The following SCFD2 variants were observed in gnomAD, a reference collection of about 807,000 sequenced individuals.
SCFD2 encodes sec1 family domain-containing protein 2.
Under a neutral mutation model 58.9 loss-of-function variants are expected in SCFD2, and 54 were observed. The ratio of observed to expected loss-of-function variants is 0.92; its 90% confidence interval spans 0.74 to 1.15. The LOEUF (loss-of-function observed/expected upper bound fraction) is 1.15, where lower values mean the gene tolerates loss of function less well. SCFD2 is among the 50% of genes most tolerant of loss of function. The pLI, the probability that SCFD2 is intolerant of heterozygous loss-of-function variation, is 0.00. For missense variants in SCFD2, 805 were observed against 836.6 expected, an observed-to-expected ratio of 0.96 and a Z score of 0.47; for synonymous variants, 321 against 335.9, an observed-to-expected ratio of 0.96 and a Z score of 0.49.
intron 5 of SCFD2, among the ~76,000 whole-genome samples, chr4:53,089,319 T>C (rs2148865033): frequency 6.6e-6 from 1 of 152,332 alleles, no homozygotes; most frequent in East Asian, 1.9e-4. Context: ...CAAATATTTT[T>C]CCAGCTCTTT....
In SCFD2 at chr4:52,920,793, T is replaced by C. The variant is rs1719716270; in HGVS notation, c.1639A>G (p.Ile547Val). ...TTCAGGAGACTCCGAGCTCCAGCAA[T>C]ATCCCGAAGTGAAGTAAAGAGTTCA... ...VDELFTSLRD[I>V]AGARSLLKQF... The change falls in exon 6 of 9, where the codon ATT (isoleucine) becomes GTT (valine). Residue 547 changes from isoleucine (I) to valine (V), a missense_variant. Around this residue, in one of 3 missense-constraint regions of SCFD2, gnomAD observed 633 missense variants for 646.8 expected, o/e 0.98. Transcript: ENST00000401642. 1.2e-6 allele frequency: 2 copies of C among 1,611,086 alleles called. No individual in the cohort carries two copies. Among genetic ancestry groups the C allele is most frequent in the Middle Eastern group, 1.6e-4 (1 of 6,076 alleles).
At chr4:52,920,578 CA>C in intron 6 of SCFD2, 146 bp downstream of exon 6, 1 of 490,846 alleles carries the variant, frequency 2.0e-6, no homozygotes, top group Non-Finnish European at 3.5e-6. Flanking sequence ...CCGTGGGACC[CA>C]AAACTCTGAA....
chr4:53,139,538 T>G (rs1726057948), intron 5 of SCFD2, among the ~76,000 whole-genome samples: 1 of 149,692 alleles, frequency 6.7e-6, no homozygotes, highest in African/African-American at 2.4e-5. Flanking sequence ...AGCTGCCCCG[T>G]CTGGGAAGTG....
At chr4:53,010,551 C>G (rs899156753) in intron 5 of SCFD2, among the ~76,000 whole-genome samples, 5 of 152,184 alleles carry the variant, frequency 3.3e-5, no homozygotes, top group Non-Finnish European at 7.3e-5. Context: ...AAATCCCTGT[C>G]CTTGTGGGCA....
intron 6 of SCFD2, among the ~76,000 whole-genome samples, chr4:52,916,855 T>C (rs902597282): frequency 1.3e-5 from 2 of 152,156 alleles, no homozygotes; most frequent in Non-Finnish European, 1.5e-5. Context: ...TGACAGCAAA[T>C]GCTTACATAG....
chr4:53,086,494 C>T (rs528875876), intron 5 of SCFD2, among the ~76,000 whole-genome samples: 38 of 152,250 alleles, frequency 2.5e-4, no homozygotes, highest in African/African-American at 8.7e-4. Context: ...AGACTAAAAA[C>T]AGAGCTACCA....
intron 5 of SCFD2, among the ~76,000 whole-genome samples, chr4:53,121,191 G>A (rs1725468084): frequency 6.6e-6 from 1 of 152,146 alleles, no homozygotes; most frequent in Non-Finnish European, 1.5e-5. Flanking sequence ...GGTGGTGGAG[G>A]GAAAACATGA....
chr4:52,886,642 T>A (rs1169151025), intron 7 of SCFD2, among the ~76,000 whole-genome samples: 1 of 152,176 alleles, frequency 6.6e-6, no homozygotes, highest in Non-Finnish European at 1.5e-5. Flanking sequence ...GGACCCTGGT[T>A]GGCAAAGTGG....
intron 5 of SCFD2, among the ~76,000 whole-genome samples, chr4:53,081,653 T>A (rs1242568357): frequency 1.3e-5 from 2 of 152,188 alleles, no homozygotes; most frequent in African/African-American, 4.8e-5. Context: ...GTTCTCTGTG[T>A]TGATTCTTAA....
chr4:52,891,861 T>TA (rs1392691299), intron 7 of SCFD2, among the ~76,000 whole-genome samples: 3 of 152,220 alleles, frequency 2.0e-5, no homozygotes, highest in African/African-American at 7.2e-5. Context: ...CTCCACTTTC[T>TA]AAGCCCTCTT....
chr4:53,126,625 T>C (rs1217234952), intron 5 of SCFD2, among the ~76,000 whole-genome samples: 1 of 152,116 alleles, frequency 6.6e-6, no homozygotes, highest in African/African-American at 2.4e-5. Context: ...CTCACACCGG[T>C]TTTTAAATGA....
intron 5 of SCFD2, among the ~76,000 whole-genome samples, chr4:53,140,410 T>TATATATATATATATATATATATAA (rs1560353881): frequency 5.1e-4 from 73 of 142,754 alleles, no homozygotes; most frequent in African/African-American, 1.8e-3. Flanking sequence ...TATATATATA[T>TATATATATATATATATATATATAA]ATAAATTTTA....
At chr4:53,051,765 G>T (rs1451406158) in intron 5 of SCFD2, among the ~76,000 whole-genome samples, 3 of 152,092 alleles carry the variant, frequency 2.0e-5, no homozygotes, top group East Asian at 1.9e-4. Context: ...ATAAAAGAAG[G>T]CTCTGATTAA....
rs549782149 is a variant in SCFD2, at chr4:53,198,350, T to C, written c.1312-52768A>G. Among the ~76,000 whole-genome samples the C allele has an allele frequency of 2.1e-3, 316 of 152,144 alleles. 1 individual carries two copies. Among genetic ancestry groups the C allele is most frequent in the Non-Finnish European group, 3.5e-3 (238 of 67,954 alleles). The stretch of plus-strand genomic sequence containing the variant: ...GCCTGCTGGCTTTAAGGGGACGGGC[T>C]GTTATAAATTCAAACAGGATTTTTT... On this transcript the variant is annotated intron_variant, in intron 4 of 8. Transcript: ENST00000401642.
At chr4:53,065,655 A>T (rs1039089584) in intron 5 of SCFD2, among the ~76,000 whole-genome samples, 1 of 152,062 alleles carries the variant, frequency 6.6e-6, no homozygotes, top group Non-Finnish European at 1.5e-5. Context: ...TTCTATTCCG[A>T]AAGTTTTATC....
At chr4:52,994,477 C>T (rs1035551580) in intron 5 of SCFD2, among the ~76,000 whole-genome samples, 4 of 152,256 alleles carry the variant, frequency 2.6e-5, no homozygotes, top group Middle Eastern at 3.4e-3. Context: ...AGAGGGTGGA[C>T]GGCAAGCCCC....
At chr4:53,286,888 A>T (rs1000413389) in intron 3 of SCFD2, among the ~76,000 whole-genome samples, 3 of 152,022 alleles carry the variant, frequency 2.0e-5, no homozygotes, top group Non-Finnish European at 4.4e-5. Context: ...TGTCACTACC[A>T]TGTCCCAGCA....
At chr4:53,348,717 A>AT (rs200497451) in intron 2 of SCFD2, among the ~76,000 whole-genome samples, 16,009 of 141,610 alleles carry the variant, frequency 0.11, 1,011 homozygotes, top group East Asian at 0.21. Flanking sequence ...TTATGACCAT[A>AT]TTTTTTTTTT....
intron 5 of SCFD2, among the ~76,000 whole-genome samples, chr4:53,085,469 C>G (rs557717994): frequency 1.3e-5 from 2 of 152,210 alleles, no homozygotes; most frequent in East Asian, 3.9e-4. Context: ...CAAAAGCAAT[C>G]TACAGATTCA....
Sources: gnomAD v4.1 joint callset for allele counts (sites outside exome capture counted in the v4.1 genomes callset) on GRCh38, gnomAD v4.1.1 for gene constraint, gnomAD v4.1.1 regional missense constraint, MANE v1.5 for transcripts, NCBI Gene and HGNC (gene_info 2026-07-23, HGNC 2026-07-21) for gene names.